The following KDM5B variants were observed in gnomAD, a reference collection of about 807,000 sequenced individuals.
The protein encoded by KDM5B is lysine-specific demethylase 5B.
KDM5B carries 144 observed loss-of-function variants against 193.4 expected under a neutral mutation model. That is an observed-to-expected ratio of 0.74 (90% CI 0.65 to 0.86). The LOEUF (loss-of-function observed/expected upper bound fraction) is 0.86, where lower values mean the gene tolerates loss of function less well. KDM5B is among the 40% of genes least tolerant of loss of function. KDM5B has a pLI of 0.00. For synonymous variants in KDM5B, 668 were observed against 682.6 expected (o/e 0.98, Z 0.33); for missense variants, 1,833 against 1,886.9 (o/e 0.97, Z 0.53).
At chr1:202,807,041 G>C (rs1162079842) in intron 1 of KDM5B, 1 of 152,408 alleles carries the variant, frequency 6.6e-6, no homozygotes, top group African/African-American at 2.4e-5. Context: ...AGCCGTTACG[G>C]ATGGTTTCAG....
rs1655388234 is a variant in KDM5B at position 202,742,572 on chromosome 1, A to C, written c.2475-67T>G. 3 of 1,600,054 alleles carry C rather than the reference A, an allele frequency of 1.9e-6. No individual in the cohort carries two copies. In the East Asian group the frequency reaches 6.7e-5, roughly 36 times the overall value. On this transcript the variant is annotated intron_variant, in intron 17 of 26. Coordinates refer to ENST00000367265, the MANE Select transcript of KDM5B (RefSeq NM_006618.5). ...ACATGTCCACCACACCCAGGTGGTC[A>C]CAGAAATTCAAGACAGGAGTCACAA...
At chr1:202,743,701 C>T (rs752356673) in intron 16 of KDM5B, among the ~76,000 whole-genome samples, 21 of 152,198 alleles carry the variant, frequency 1.4e-4, no homozygotes, top group Non-Finnish European at 2.6e-4. Context: ...ACACCTACAA[C>T]TATCTGATCT....
At chr1:202,798,329 TCTG>T (rs1657934386) in intron 1 of KDM5B, among the ~76,000 whole-genome samples, 1 of 137,598 alleles carries the variant, frequency 7.3e-6, no homozygotes, top group Non-Finnish European at 1.5e-5. Context: ...ACAGATAGGG[TCTG>T]CTATGTTGCC....
rs1233808468 is a variant in KDM5B, at chr1:202,808,134, G to T, written c.172C>A (p.Gln58Lys). The change falls in exon 1 of 27, where the codon CAG becomes AAG. Residue 58 changes from glutamine to lysine, a missense_variant. Coordinates refer to ENST00000367265, the MANE Select transcript of KDM5B (RefSeq NM_006618.5). Reference sequence around the variant, plus strand: ...GGCCGCACCTTACAGATGCCAGTCTGCTCGGCTATGGGCCGGATCTTGTGG... The same window carrying T: ...GGCCGCACCTTACAGATGCCAGTCTTCTCGGCTATGGGCCGGATCTTGTGG... ...FIHKIRPIAE[Q>K]TGICKVRPPP... The T allele has an allele frequency of 4.3e-6, 7 of 1,612,472 alleles. No individual in the cohort carries two copies. In the East Asian group the frequency reaches 1.1e-4, roughly 26 times the overall value.
At chr1:202,754,312 C>T (rs962427258) in intron 11 of KDM5B, among the ~76,000 whole-genome samples, 8 of 152,112 alleles carry the variant, frequency 5.3e-5, no homozygotes, top group South Asian at 2.1e-4. Flanking sequence ...CCTCAAATTC[C>T]TTGTGTGAGG....
At chr1:202,803,283 C>T (rs1281320152) in intron 1 of KDM5B, among the ~76,000 whole-genome samples, 1 of 152,142 alleles carries the variant, frequency 6.6e-6, no homozygotes, top group African/African-American at 2.4e-5. Context: ...TACCCTATAA[C>T]CATAGGAAGG....
chr1:202,746,325 T>TA lies in KDM5B; in HGVS notation c.2017-3dup, dbSNP rs762577204. 7.5e-6 allele frequency: 12 copies of TA among 1,593,538 alleles called. No individual in the cohort carries two copies. Among genetic ancestry groups the TA allele is most frequent in the Middle Eastern group, 1.7e-4 (1 of 5,960 alleles). On this transcript the variant is annotated splice_polypyrimidine_tract_variant and splice_region_variant and intron_variant, in intron 14 of 26. Coordinates refer to ENST00000367265, the MANE Select transcript of KDM5B (RefSeq NM_006618.5). ...CATTCTTTCCGAATCAATCACTCCC[T>TA]AGAATAAAGTATACTTTAGAGAGAC... is the stretch of plus-strand genomic sequence containing the variant.
chr1:202,741,266 G>A (rs562952855), intron 19 of KDM5B, 101 bp downstream of exon 19: 13 of 722,696 alleles, frequency 1.8e-5, no homozygotes, highest in East Asian at 1.1e-4. Context: ...CATAATAACC[G>A]CAGCTACTGA....
intron 6 of KDM5B, 41 bp from the exon 7 acceptor site, chr1:202,762,849 T>C: frequency 1.1e-6 from 1 of 900,126 alleles, no homozygotes; most frequent in Non-Finnish European, 1.8e-6. Context: ...ATGATGCTTT[T>C]CTCCACTTCC....
Position 202,758,456 on chromosome 1 carries a change from T to C in KDM5B, c.1132A>G (p.Thr378Ala). Residue 378 changes from threonine to alanine, a missense_variant, in exon 9 of 27, where the codon ACC becomes GCC. Transcript: ENST00000367265. ...FGFEQAARDY[T>A]LRTFGEMADA... ...GCCATTTCCCCAAAAGTACGGAGGG[T>C]ATAGTCCCTGGCTGCTTGTTCAAAG... 1 of 1,612,756 alleles carries C rather than the reference T, an allele frequency of 6.2e-7. No individual in the cohort carries two copies. Among genetic ancestry groups the C allele is most frequent in the Non-Finnish European group, 8.5e-7 (1 of 1,179,062 alleles).
At chr1:202,796,650 C>A in intron 1 of KDM5B, 1 of 160,588 alleles carries the variant, frequency 6.2e-6, no homozygotes, top group South Asian at 1.8e-4. Flanking sequence ...GGTTGGTGCT[C>A]ACTGTGGCTG....
chr1:202,742,657 A>C lies in KDM5B; in HGVS notation c.2472T>G (p.Thr824=). ...CTCACGCAGTCAGAAGCGCATACCTAGTTTGCCTTTTGCCATTAAGCAACT... is the reference window on the plus strand; with the variant it reads ...CTCACGCAGTCAGAAGCGCATACCTCGTTTGCCTTTTGCCATTAAGCAACT... The part of the protein sequence containing the change: ...AQQLLNGKRQ[T]RYRSGGGKSQ... The change falls in exon 17 of 27, where the codon ACT becomes ACG. Residue 824 remains threonine, a splice_region_variant and synonymous_variant. Coordinates refer to ENST00000367265, the MANE Select transcript of KDM5B (RefSeq NM_006618.5). 1 of 1,613,968 alleles carries C rather than the reference A, an allele frequency of 6.2e-7. No individual in the cohort carries two copies. Among genetic ancestry groups the C allele is most frequent in the Non-Finnish European group, 8.5e-7 (1 of 1,179,940 alleles).
Position 202,808,173 on chromosome 1 carries a change from G to A in KDM5B, c.133C>T (p.Pro45Ser), listed in dbSNP as rs2102361277. The A allele has an allele frequency of 6.2e-7, 1 of 1,613,210 alleles. No homozygotes were observed. The highest frequency in any genetic ancestry group is 8.5e-7 in the Non-Finnish European group (1 of 1,179,590). The stretch of plus-strand genomic sequence containing the variant: ...CGGATCTTGTGGATGAAAGCGAAGG[G>A]GTCCGCGAACTCTTCCCAGCTGGGT... Reference protein sequence around the residue: ...FEPSWEEFADPFAFIHKIRPI... With the variant: ...FEPSWEEFADSFAFIHKIRPI... The change falls in exon 1 of 27, where the codon CCC (proline) becomes TCC (serine). Residue 45 changes from proline (P) to serine (S), a missense_variant. Pro to Ser is a moderately conservative substitution (Grantham distance 74). Around this residue, in one of 3 missense-constraint regions of KDM5B, gnomAD observed 355 missense variants for 374.9 expected, o/e 0.95. Coordinates refer to ENST00000367265, the MANE Select transcript of KDM5B (RefSeq NM_006618.5).
rs1656595774 is a variant in KDM5B at position 202,769,037 on chromosome 1, T to C, written c.577-1977A>G. Among the ~76,000 whole-genome samples the C allele has an allele frequency of 5.5e-5, 8 of 145,478 alleles. No individual in the cohort carries two copies. In the South Asian group the frequency reaches 1.7e-3, roughly 32 times the overall value. On this transcript the variant is annotated intron_variant, in intron 4 of 26. Transcript: ENST00000367265. Reference sequence around the variant, plus strand: ...CCTACGGCCTATTATATTCTTTTTTTTTCTTTTTTTTTTTTTTGAGACAGA... The same window carrying C: ...CCTACGGCCTATTATATTCTTTTTTCTTCTTTTTTTTTTTTTTGAGACAGA...
intron 1 of KDM5B, among the ~76,000 whole-genome samples, chr1:202,779,498 A>C (rs1657105100): frequency 6.6e-6 from 1 of 151,090 alleles, no homozygotes; most frequent in South Asian, 2.1e-4. Flanking sequence ...AAGAAAAAAA[A>C]GAAAACAATT....
At chr1:202,776,721 G>A (rs1386156907) in intron 2 of KDM5B, among the ~76,000 whole-genome samples, 4 of 151,916 alleles carry the variant, frequency 2.6e-5, no homozygotes, top group Non-Finnish European at 4.4e-5. Flanking sequence ...ACCATCACAC[G>A]TGGCTAATTT....
intron 1 of KDM5B, chr1:202,806,535 G>T (rs542506727): frequency 6.6e-6 from 1 of 152,244 alleles, no homozygotes; most frequent in East Asian, 1.9e-4. Context: ...GTAAGAAATG[G>T]ATCTATTTTC....
intron 4 of KDM5B, chr1:202,767,467 G>T: frequency 9.2e-7 from 1 of 1,083,180 alleles, no homozygotes; most frequent in Non-Finnish European, 1.4e-6. Flanking sequence ...GAGGAAGGAT[G>T]AAATGGCGGC....
chr1:202,735,472 T>C lies in KDM5B; in HGVS notation c.3380A>G (p.Asp1127Gly), dbSNP rs1655055464. 1 of 1,614,084 alleles carries C rather than the reference T, an allele frequency of 6.2e-7. No homozygotes were observed. Among genetic ancestry groups the C allele is most frequent in the Middle Eastern group, 1.6e-4 (1 of 6,062 alleles). ...KKSTKLESLS[D>G]LERALTESKE... is the part of the protein sequence containing the mutation. Reference sequence around the variant, plus strand: ...GCTTTCAGTTAAAGCTCTCTCCAGGTCACTCAGACTCTCTAATTTGGTGCT... The same window carrying C: ...GCTTTCAGTTAAAGCTCTCTCCAGGCCACTCAGACTCTCTAATTTGGTGCT... Residue 1127 changes from aspartate to glycine, a missense_variant, in exon 22 of 27, where the codon GAC becomes GGC. This residue lies in a region of KDM5B where 1,379 missense variants were observed against 1,349.6 expected (regional missense o/e 1.02). Coordinates refer to ENST00000367265, the MANE Select transcript of KDM5B (RefSeq NM_006618.5).
Sources: allele counts gnomAD v4.1 joint callset (sites outside exome capture counted in the v4.1 genomes callset), GRCh38; gene constraint gnomAD v4.1.1; regional missense constraint gnomAD v4.1.1; transcripts MANE v1.5; gene names NCBI Gene and HGNC (gene_info 2026-07-23, HGNC 2026-07-21).